LMF1: variants seen among roughly 807,000 people sequenced by gnomAD.
LMF1 encodes the protein transmembrane protein 112.
In LMF1, 68 loss-of-function variants were observed where a neutral mutation model predicts 60.6. The observed-to-expected ratio is 1.12, with a 90% CI of 0.92 to 1.37. LMF1 has a LOEUF of 1.37. Ranked by LOEUF, LMF1 falls within the 40% of genes most tolerant of loss-of-function variation. The probability of loss-of-function intolerance (pLI) is 0.00; values close to 1 mark genes in which losing one functional copy is unlikely to be tolerated. For missense variants in LMF1, 948 were observed against 767.2 expected (o/e 1.24, Z -2.78); for synonymous variants, 418 against 324.7 (o/e 1.29, Z -3.09).
intron 9 of LMF1, 29 bp downstream of exon 9, chr16:869,854 C>T (rs1240789598): frequency 6.3e-7 from 1 of 1,599,892 alleles, no homozygotes; most frequent in South Asian, 1.1e-5. Context: ...ACAGGCAGGT[C>T]CATGCGCCCG....
chr16:935,655 G>A (rs1369006780), intron 2 of LMF1, among the ~76,000 whole-genome samples: 1 of 152,110 alleles, frequency 6.6e-6, no homozygotes, highest in Non-Finnish European at 1.5e-5. Flanking sequence ...GCCGCGTGTG[G>A]ACAAGCTTGC....
rs1299403660 is a variant in LMF1 at position 908,488 on chromosome 16, C to A, written c.663+2443G>T. ...ATGTTTCCCTCCCGCTGTGCCATGG[C>A]CCCGAGCACACCCGACCAGGCAAGG... On this transcript the variant is annotated intron_variant, in intron 4 of 10. Coordinates refer to ENST00000262301, the MANE Select transcript of LMF1 (RefSeq NM_022773.4). Among the ~76,000 whole-genome samples, 4 of 152,312 alleles carry A rather than the reference C, an allele frequency of 2.6e-5. No homozygotes were observed. The East Asian group carries it at 7.7e-4, about 29-fold the overall frequency.
chr16:977,358 G>A (rs1041698244), intron 1 of LMF1, among the ~76,000 whole-genome samples: 1 of 152,126 alleles, frequency 6.6e-6, no homozygotes, highest in African/African-American at 2.4e-5. Context: ...GGGGTCCTGC[G>A]AACCCCTCCT....
intron 1 of LMF1, chr16:976,661 G>A: frequency 2.2e-6 from 1 of 454,144 alleles, no homozygotes. Flanking sequence ...CCCACACTGA[G>A]AGTGGAGACG....
At chr16:887,535 G>C (rs1175477816) in intron 5 of LMF1, among the ~76,000 whole-genome samples, 1 of 152,186 alleles carries the variant, frequency 6.6e-6, no homozygotes, top group Non-Finnish European at 1.5e-5. Context: ...TAGGCAGCAG[G>C]GCCATGTCCC....
At chr16:933,553 GCCC>G in intron 3 of LMF1, 12 of 179,944 alleles carry the variant, frequency 6.7e-5, no homozygotes, top group South Asian at 2.6e-4. Context: ...TGAGTGCGAG[GCCC>G]AGGCCAGGGC....
In LMF1 at chr16:970,922, G is replaced by A. The variant is rs375907650; in HGVS notation, c.59C>T (p.Thr20Ile). The A allele has an allele frequency of 6.4e-6, 10 of 1,572,960 alleles. No homozygotes were observed. In the South Asian group the frequency reaches 6.9e-5, roughly 11 times the overall value. ...APAESLRRRK[T>I]GYSDPEPESP... ...CTCAGGCTCCGGATCCGAGTACCCA[G>A]TCTTCCGCCTCCTCAGCGACTCCGC... The change falls in exon 1 of 11, where the codon ACT becomes ATT. Residue 20 changes from threonine (T) to isoleucine (I), a missense_variant. Transcript: ENST00000262301.
intron 6 of LMF1, among the ~76,000 whole-genome samples, chr16:876,787 A>G (rs1423472425): frequency 9.2e-5 from 14 of 151,918 alleles, no homozygotes; most frequent in Admixed American, 9.2e-4. Context: ...TGAGACCTTC[A>G]GTAAGTTAAC....
chr16:855,388 G>GTCCC, intron 10 of LMF1: 1 of 340,682 alleles, frequency 2.9e-6, no homozygotes, highest in East Asian at 7.8e-5. Flanking sequence ...CCTGTATAAG[G>GTCCC]TCCCGCCTGA....
At chr16:908,879 G>A (rs1280185020) in intron 4 of LMF1, among the ~76,000 whole-genome samples, 1 of 152,244 alleles carries the variant, frequency 6.6e-6, no homozygotes, top group Non-Finnish European at 1.5e-5. Flanking sequence ...CCGTGCGGCT[G>A]GGGCAGGAAC....
chr16:876,382 T>C (rs1404151669), intron 6 of LMF1, among the ~76,000 whole-genome samples: 2 of 152,136 alleles, frequency 1.3e-5, no homozygotes, highest in African/African-American at 2.4e-5. Context: ...GAAGCTGTGA[T>C]GGGGACACGT....
rs975017870 is a variant in LMF1, at chr16:954,529, G to A, written c.331C>T (p.Pro111Ser). 1 of 1,612,958 alleles carries A rather than the reference G, an allele frequency of 6.2e-7. No homozygotes were observed. Among genetic ancestry groups the A allele is most frequent in the Non-Finnish European group, 8.5e-7 (1 of 1,179,660 alleles). ...RTSWEVFSYMPTILWLMDWSD... is the reference protein window; with the variant it reads ...RTSWEVFSYMSTILWLMDWSD... ...CAGTCCATCAGCCAGAGGATGGTGG[G>A]CATGTAGCTGAAGACTTCCCAGCTC... Residue 111 changes from proline to serine, a missense_variant, in exon 2 of 11, where the codon CCC becomes TCC. By Grantham distance (74) the Pro-to-Ser change is moderately conservative. Transcript: ENST00000262301.
At chr16:967,864 T>C (rs2072957767) in intron 1 of LMF1, among the ~76,000 whole-genome samples, 1 of 152,300 alleles carries the variant, frequency 6.6e-6, no homozygotes, top group South Asian at 2.1e-4. Flanking sequence ...CTGGGGGTAG[T>C]GGCGTTGTCA....
chr16:959,275 G>A (rs1220896713), intron 1 of LMF1, among the ~76,000 whole-genome samples: 2 of 152,236 alleles, frequency 1.3e-5, no homozygotes, highest in Non-Finnish European at 2.9e-5. Flanking sequence ...TAACATGGAT[G>A]AATCTTAAGT....
chr16:963,914 T>C (rs1262445155), intron 1 of LMF1: 2 of 380,666 alleles, frequency 5.3e-6, no homozygotes, highest in Non-Finnish European at 1.1e-5. Context: ...GCAGTAAAAA[T>C]CTTGAAACAT....
chr16:960,458 G>A (rs569873), intron 1 of LMF1, among the ~76,000 whole-genome samples: 2,462 of 47,410 alleles, frequency 0.052, 203 homozygotes, highest in African/African-American at 0.24. Context: ...CACGGTGACA[G>A]CACGGGATCA....
intron 6 of LMF1, chr16:873,799 C>T (rs1845873024): frequency 1.3e-5 from 2 of 152,376 alleles, no homozygotes; most frequent in South Asian, 4.1e-4. Flanking sequence ...TGAGGTCTAA[C>T]ACCAGTCCAT....
At chr16:977,626 G>A (rs748475318) in intron 1 of LMF1, among the ~76,000 whole-genome samples, 3 of 152,076 alleles carry the variant, frequency 2.0e-5, no homozygotes, top group Non-Finnish European at 4.4e-5. Context: ...GTGCTTCTCA[G>A]AGGCCGCACA....
At chr16:855,586 G>T (rs1268958813) in intron 10 of LMF1, 1 of 391,552 alleles carries the variant, frequency 2.6e-6, no homozygotes, top group East Asian at 7.3e-5. Context: ...CAAGCTCCCG[G>T]CCCTCCAGGC....
Sources: allele counts gnomAD v4.1 joint callset (sites outside exome capture counted in the v4.1 genomes callset), GRCh38; gene constraint gnomAD v4.1.1; transcripts MANE v1.5; gene names NCBI Gene and HGNC (gene_info 2026-07-23, HGNC 2026-07-21).